The following KCND3 variants were observed in gnomAD, a reference collection of about 807,000 sequenced individuals.
The protein encoded by KCND3 is A-type voltage-gated potassium channel KCND3.
Under a neutral mutation model 51.1 loss-of-function variants are expected in KCND3, and 9 were observed. That is an observed-to-expected ratio of 0.18 (90% CI 0.11 to 0.31). The LOEUF (loss-of-function observed/expected upper bound fraction) is 0.31, where lower values mean the gene tolerates loss of function less well. KCND3 is among the 10% of genes least tolerant of loss of function. The pLI is 1.00. For missense variants in KCND3, 526 were observed against 903.8 expected, an observed-to-expected ratio of 0.58 and a Z score of 5.36; for synonymous variants, 349 against 368.0, an observed-to-expected ratio of 0.95 and a Z score of 0.59.
chr1:111,873,127 G>C (rs1668899832), intron 2 of KCND3, among the ~76,000 whole-genome samples: 3 of 152,178 alleles, frequency 2.0e-5, no homozygotes, highest in Non-Finnish European at 2.9e-5. Flanking sequence ...TGAGAATGCT[G>C]ATCCAGTCCT....
intron 2 of KCND3, among the ~76,000 whole-genome samples, chr1:111,795,136 CTT>C (rs1432837481): frequency 6.6e-6 from 1 of 152,152 alleles, no homozygotes; most frequent in Non-Finnish European, 1.5e-5. Context: ...AGGTGGGAGA[CTT>C]GGGAAATGAA....
At chr1:111,810,187 G>A (rs1665785472) in intron 2 of KCND3, among the ~76,000 whole-genome samples, 1 of 152,010 alleles carries the variant, frequency 6.6e-6, no homozygotes. Context: ...TAAACTGGGT[G>A]AGCGACTGTG....
At chr1:111,928,521 C>A (rs987682053) in intron 2 of KCND3, among the ~76,000 whole-genome samples, 2 of 152,208 alleles carry the variant, frequency 1.3e-5, no homozygotes, top group Admixed American at 6.5e-5. Flanking sequence ...TGGCTTCAGA[C>A]GGCATCACGC....
At chr1:111,888,365 T>C (rs990922138) in intron 2 of KCND3, among the ~76,000 whole-genome samples, 1 of 152,176 alleles carries the variant, frequency 6.6e-6, no homozygotes, top group Non-Finnish European at 1.5e-5. Flanking sequence ...CAGAGGCAGA[T>C]GACACACAGA....
chr1:111,847,957 G>A (rs543724882), intron 2 of KCND3, among the ~76,000 whole-genome samples: 7 of 152,320 alleles, frequency 4.6e-5, no homozygotes, highest in Non-Finnish European at 7.4e-5. Context: ...GACAGCACCT[G>A]CCTAGGCCTC....
At chr1:111,781,117 C>A (rs937815854) in intron 3 of KCND3, among the ~76,000 whole-genome samples, 1 of 152,150 alleles carries the variant, frequency 6.6e-6, no homozygotes, top group African/African-American at 2.4e-5. Flanking sequence ...CAGTTGTGCT[C>A]CTCAGTTTTC....
chr1:111,887,300 G>A (rs541182068), intron 2 of KCND3, among the ~76,000 whole-genome samples: 1 of 152,292 alleles, frequency 6.6e-6, no homozygotes, highest in African/African-American at 2.4e-5. Context: ...CATACCTTGT[G>A]AGAAAATACA....
intron 2 of KCND3, among the ~76,000 whole-genome samples, chr1:111,959,923 T>G (rs1299234091): frequency 6.6e-6 from 1 of 151,914 alleles, no homozygotes; most frequent in Non-Finnish European, 1.5e-5. Context: ...GGGGGTGGTC[T>G]CCCCCATGCT....
chr1:111,970,872 C>A (rs985167040), intron 2 of KCND3, among the ~76,000 whole-genome samples: 28 of 152,308 alleles, frequency 1.8e-4, no homozygotes, highest in African/African-American at 6.3e-4. Flanking sequence ...CAGCTCCATG[C>A]ATGTTTGCTG....
chr1:111,799,948 C>T (rs1665221259), intron 2 of KCND3, among the ~76,000 whole-genome samples: 1 of 152,152 alleles, frequency 6.6e-6, no homozygotes, highest in African/African-American at 2.4e-5. Flanking sequence ...TGGCCAGCCG[C>T]CCCGTCCGGG....
rs1408585144 is a variant in KCND3 at position 111,772,939 on chromosome 1, C to T, written c.*3138G>A. 6.6e-6 allele frequency: 1 copy of T among 152,204 alleles called. No individual in the cohort carries two copies. Among genetic ancestry groups the T allele is most frequent in the Non-Finnish European group, 1.5e-5 (1 of 68,036 alleles). The allele number at this position is 152,204 out of a possible 1,614,324, so 9.4% of individuals were successfully genotyped here. A position where few individuals can be genotyped will look rare whatever the true frequency, so the allele number is the denominator to read the frequency against. On this transcript the variant is annotated 3_prime_UTR_variant, in exon 8 of 8. Transcript: ENST00000302127. ...TTCAGTCACTGGCCAATGAGTTAGA[C>T]TTATGAAACCAATTCAGCATACTTT...
In KCND3 at chr1:111,981,686, C is replaced by G; in HGVS notation, c.1041G>C (p.Ser347=). ...CAGGGATGCTTGTGAACTTGCTGGC[C>G]GAGGAGCCCTTCTCGGCATAAAACA... The part of the protein sequence containing the change: ...TVMFYAEKGS[S]ASKFTSIPAS... The change falls in exon 2 of 8, where the codon TCG becomes TCC. Residue 347 remains serine, a synonymous_variant. Transcript: ENST00000302127. This position sits in a 1 kb window ranked among gnomAD's most constrained non-coding sequence, Gnocchi z 6.2. 1 of 1,614,042 alleles carries G rather than the reference C, an allele frequency of 6.2e-7. No homozygotes were observed. The highest frequency in any genetic ancestry group is 1.3e-5 in the African/African-American group (1 of 74,986).
intron 2 of KCND3, among the ~76,000 whole-genome samples, chr1:111,840,366 C>G (rs1667272893): frequency 6.6e-6 from 1 of 152,104 alleles, no homozygotes; most frequent in Non-Finnish European, 1.5e-5. Context: ...GGGCCCCGCA[C>G]CTTTTCCAGG....
At chr1:111,944,604 G>A (rs1237973049) in intron 2 of KCND3, among the ~76,000 whole-genome samples, 1 of 152,254 alleles carries the variant, frequency 6.6e-6, no homozygotes, top group Non-Finnish European at 1.5e-5. Flanking sequence ...AGCAGGCTGT[G>A]TGGGGGCATG....
chr1:111,967,307 A>G (rs1674060439), intron 2 of KCND3, among the ~76,000 whole-genome samples: 1 of 152,006 alleles, frequency 6.6e-6, no homozygotes, highest in South Asian at 2.1e-4. Flanking sequence ...TAAATCTAGG[A>G]TGTGTGGGGC....
intron 2 of KCND3, among the ~76,000 whole-genome samples, chr1:111,972,735 C>A (rs892983495): frequency 1.3e-5 from 2 of 152,184 alleles, no homozygotes; most frequent in African/African-American, 4.8e-5. Flanking sequence ...ACTCCAATTC[C>A]CCACTATATT....
intron 2 of KCND3, among the ~76,000 whole-genome samples, chr1:111,866,218 T>C (rs1222082503): frequency 1.3e-5 from 2 of 151,750 alleles, no homozygotes; most frequent in Non-Finnish European, 2.9e-5. Flanking sequence ...TCTCTCTTTC[T>C]TTTTTTCTTT....
chr1:111,948,867 G>A (rs1399372813), intron 2 of KCND3, among the ~76,000 whole-genome samples: 1 of 152,086 alleles, frequency 6.6e-6, no homozygotes, highest in African/African-American at 2.4e-5. Flanking sequence ...AGAGAAGGAG[G>A]AGCAGCAAGC....
chr1:111,982,708 C>G lies in KCND3; in HGVS notation c.19G>C (p.Ala7Pro). The G allele has an allele frequency of 6.2e-7, 1 of 1,604,542 alleles. No individual in the cohort carries two copies. Among genetic ancestry groups the G allele is most frequent in the Non-Finnish European group, 8.5e-7 (1 of 1,179,222 alleles). MAAGVA[A>P]WLPFARAAAI... ...GCAGCCCGGGCAAAAGGCAGCCAGG[C>G]CGCAACTCCGGCCGCCATGGTGACT... The change falls in exon 2 of 8, where the codon GCC (alanine) becomes CCC (proline). Residue 7 changes from alanine (A) to proline (P), a missense_variant. Transcript: ENST00000302127. This position sits in a 1 kb window ranked among gnomAD's most constrained non-coding sequence, Gnocchi z 8.5.
Sources: allele counts gnomAD v4.1 joint callset (sites outside exome capture counted in the v4.1 genomes callset), GRCh38; gene constraint gnomAD v4.1.1; non-coding constraint Gnocchi (gnomAD v3.1); transcripts MANE v1.5; gene names NCBI Gene and HGNC (gene_info 2026-07-23, HGNC 2026-07-21).